The following CACNA2D3 variants were observed in gnomAD, a reference collection of about 807,000 sequenced individuals.
CACNA2D3 encodes the protein calcium voltage-gated channel auxiliary subunit alpha2delta 3.
In CACNA2D3, 60 loss-of-function variants were observed where a neutral mutation model predicts 160.6. The observed-to-expected ratio is 0.37, with a 90% confidence interval of 0.30 to 0.46. The LOEUF is 0.46. Ranked by LOEUF, CACNA2D3 falls within the 20% of genes least tolerant of loss-of-function variation. CACNA2D3 has a pLI of 1.00. For missense variants in CACNA2D3, 1,205 were observed against 1,365.0 expected (o/e 0.88, Z 1.85); for synonymous variants, 558 against 492.9 (o/e 1.13, Z -1.75).
At chr3:54,773,383 C>T (rs1702355223) in intron 13 of CACNA2D3, among the ~76,000 whole-genome samples, 1 of 152,148 alleles carries the variant, frequency 6.6e-6, no homozygotes, top group Admixed American at 6.5e-5. Context: ...AAAGAAGTTC[C>T]AATCGTCAAA....
intron 2 of CACNA2D3, among the ~76,000 whole-genome samples, chr3:54,182,173 A>C (rs375657121): frequency 1.3e-5 from 2 of 152,340 alleles, no homozygotes. Context: ...TGTTTTGGGT[A>C]AGCCACTTAG....
At chr3:54,458,404 C>G (rs1482439355) in intron 4 of CACNA2D3, among the ~76,000 whole-genome samples, 1 of 150,222 alleles carries the variant, frequency 6.7e-6, no homozygotes, top group Non-Finnish European at 1.5e-5. Context: ...AACTTTATTT[C>G]TCTTTCATTT....
rs151076261 is a variant in CACNA2D3, at chr3:54,919,294, A to G, written c.2449+19426A>G. On this transcript the variant is annotated intron_variant, in intron 27 of 37. Transcript: ENST00000474759. ...AAGAAAACTTTTGTACCAGATTCCC[A>G]TTGAAAATCTAAGGAAAAAATAAAA... Among the ~76,000 whole-genome samples, 425 of 152,348 alleles carry G rather than the reference A, an allele frequency of 2.8e-3. 2 individuals are homozygous for G. The highest frequency in any genetic ancestry group is 9.8e-3 in the African/African-American group (408 of 41,584).
intron 9 of CACNA2D3, among the ~76,000 whole-genome samples, chr3:54,603,432 G>T (rs1004328407): frequency 6.6e-6 from 1 of 152,114 alleles, no homozygotes. Context: ...ATCCTTAGGG[G>T]TCTCTCTGGC....
chr3:54,235,918 G>A (rs1161088009), intron 2 of CACNA2D3, among the ~76,000 whole-genome samples: 2 of 152,204 alleles, frequency 1.3e-5, no homozygotes, highest in East Asian at 3.9e-4. Flanking sequence ...TGACTTGACA[G>A]TGGAGAAACG....
rs58888268 is a variant in CACNA2D3 at position 54,454,874 on chromosome 3, A to T, written c.382-48618A>T. On this transcript the variant is annotated intron_variant, in intron 4 of 37. Coordinates refer to ENST00000474759, the MANE Select transcript of CACNA2D3 (RefSeq NM_018398.3). ...TGTCTTTCTGTGCCTGGCTTATTTCATTTAACATAATGTCCTTCAGGCTCA... is the reference window on the plus strand; with the variant it reads ...TGTCTTTCTGTGCCTGGCTTATTTCTTTTAACATAATGTCCTTCAGGCTCA... 2.8e-3 allele frequency among the ~76,000 whole-genome samples: 423 copies of T among 152,102 alleles called. 3 individuals are homozygous for T. The highest frequency in any genetic ancestry group is 9.8e-3 in the African/African-American group (408 of 41,504).
intron 4 of CACNA2D3, among the ~76,000 whole-genome samples, chr3:54,412,724 T>TTTGTTG (rs969554351): frequency 2.0e-5 from 3 of 151,606 alleles, no homozygotes; most frequent in African/African-American, 7.2e-5. Context: ...TCTCTCTGTT[T>TTTGTTG]TTGTTGTTGT....
chr3:54,966,610 C>T lies in CACNA2D3; in HGVS notation c.2450-1840C>T, dbSNP rs116147398. On this transcript the variant is annotated intron_variant, in intron 27 of 37. Coordinates refer to ENST00000474759, the MANE Select transcript of CACNA2D3 (RefSeq NM_018398.3). Reference sequence around the variant, plus strand: ...GAGGCAGGCAGGTCACTTGAGCCCACGAGTTAGAGATCAGCCTGGCTAACA... The same window carrying T: ...GAGGCAGGCAGGTCACTTGAGCCCATGAGTTAGAGATCAGCCTGGCTAACA... Among the ~76,000 whole-genome samples the T allele has an allele frequency of 9.8e-3, 1,493 of 152,196 alleles. 16 individuals are homozygous for T. Among genetic ancestry groups the T allele is most frequent in the Non-Finnish European group, 0.015 (1,027 of 68,014 alleles).
intron 9 of CACNA2D3, among the ~76,000 whole-genome samples, chr3:54,602,221 G>A (rs1409162864): frequency 6.6e-6 from 1 of 152,162 alleles, no homozygotes; most frequent in Non-Finnish European, 1.5e-5. Flanking sequence ...AGCAAGGCCA[G>A]GCGTGGTGGC....
intron 27 of CACNA2D3, among the ~76,000 whole-genome samples, chr3:54,900,999 C>T (rs1225375354): frequency 6.6e-6 from 1 of 152,158 alleles, no homozygotes; most frequent in Non-Finnish European, 1.5e-5. Context: ...ACTAAGCAGA[C>T]CTATTCTTAA....
At chr3:54,405,926 T>C (rs371344561) in intron 4 of CACNA2D3, among the ~76,000 whole-genome samples, 6 of 151,342 alleles carry the variant, frequency 4.0e-5, no homozygotes, top group East Asian at 1.9e-4. Flanking sequence ...GACATAAAAA[T>C]GGCCCACGGA....
chr3:54,829,420 A>G (rs1291735993), intron 14 of CACNA2D3, among the ~76,000 whole-genome samples: 2 of 152,140 alleles, frequency 1.3e-5, no homozygotes, highest in Non-Finnish European at 2.9e-5. Context: ...AAGGTTAGGT[A>G]CAGAGGACTT....
At chr3:54,652,414 G>T (rs1699787681) in intron 11 of CACNA2D3, among the ~76,000 whole-genome samples, 1 of 152,170 alleles carries the variant, frequency 6.6e-6, no homozygotes, top group African/African-American at 2.4e-5. Flanking sequence ...CAAATGAAAA[G>T]ACCAAATCAT....
At chr3:54,761,850 A>G (rs1423019868) in intron 12 of CACNA2D3, among the ~76,000 whole-genome samples, 1 of 152,158 alleles carries the variant, frequency 6.6e-6, no homozygotes, top group Non-Finnish European at 1.5e-5. Flanking sequence ...GGCACACCAA[A>G]TTCAAACCAG....
rs566618847 is a variant in CACNA2D3, at chr3:54,543,147, C to A, written c.545-19653C>A. On this transcript the variant is annotated intron_variant, in intron 5 of 37. Transcript: ENST00000474759. ...TAAAAATCTCACTCATGAAAACAGA[C>A]CCTTTTACTTCTCCCTACTTGAAAT... Among the ~76,000 whole-genome samples, 3 of 152,294 alleles carry A rather than the reference C, an allele frequency of 2.0e-5. No homozygotes were observed. The South Asian group carries it at 6.2e-4, about 32-fold the overall frequency.
chr3:55,052,370 A>G (rs935538500), intron 35 of CACNA2D3, among the ~76,000 whole-genome samples: 1 of 151,896 alleles, frequency 6.6e-6, no homozygotes, highest in South Asian at 2.1e-4. Flanking sequence ...AACTTTGTGA[A>G]TATTCCATAT....
At chr3:54,872,740 C>G (rs1449641428) in intron 18 of CACNA2D3, among the ~76,000 whole-genome samples, 2 of 152,230 alleles carry the variant, frequency 1.3e-5, no homozygotes, top group Non-Finnish European at 2.9e-5. Context: ...TCTTCTTCAT[C>G]TGCTCTAAGT....
At chr3:54,626,408 A>T in intron 9 of CACNA2D3, 5 of 1,578,144 alleles carry the variant, frequency 3.2e-6, no homozygotes, top group African/African-American at 2.7e-5. Context: ...GCCAAGAAGG[A>T]GGCGCTGCCC....
At chr3:54,671,053 T>TAAAC (rs944604700) in intron 11 of CACNA2D3, among the ~76,000 whole-genome samples, 2 of 151,644 alleles carry the variant, frequency 1.3e-5, no homozygotes, top group African/African-American at 4.8e-5. Context: ...TTACCAGTTG[T>TAAAC]AAACAAACAA....
Sources: gnomAD v4.1 joint callset for allele counts (sites outside exome capture counted in the v4.1 genomes callset) on GRCh38, gnomAD v4.1.1 for gene constraint, MANE v1.5 for transcripts, NCBI Gene and HGNC (gene_info 2026-07-23, HGNC 2026-07-21) for gene names.